DLG2: variants seen among roughly 807,000 people sequenced by gnomAD.
The protein encoded by DLG2 is disks large homolog 2.
A neutral mutation model predicts 132.5 loss-of-function variants in DLG2; 45 were observed. The observed-to-expected ratio is 0.34, with a 90% CI of 0.27 to 0.44. The LOEUF is 0.44. Among genes scored for constraint, DLG2 ranks in the 20% least tolerant of loss-of-function variants. The pLI, the probability that DLG2 is intolerant of heterozygous loss-of-function variation, is 1.00. For missense variants in DLG2, 1,045 were observed against 1,196.9 expected (o/e 0.87, Z 1.87); for synonymous variants, 424 against 419.6 (o/e 1.01, Z -0.13).
At chr11:84,088,517 G>A (rs1036734321) in intron 10 of DLG2, among the ~76,000 whole-genome samples, 1 of 152,172 alleles carries the variant, frequency 6.6e-6, no homozygotes, top group African/African-American at 2.4e-5. Flanking sequence ...AAGACTACTT[G>A]TGGGTGCCTG....
chr11:83,820,507 G>A (rs1295104886), intron 17 of DLG2, among the ~76,000 whole-genome samples: 1 of 152,114 alleles, frequency 6.6e-6, no homozygotes, highest in Admixed American at 6.5e-5. Context: ...CATTTCATAT[G>A]TAACAAGGTA....
At chr11:84,822,734 T>C (rs2077845018) in intron 6 of DLG2, among the ~76,000 whole-genome samples, 1 of 151,930 alleles carries the variant, frequency 6.6e-6, no homozygotes, top group Non-Finnish European at 1.5e-5. Flanking sequence ...TTGACACATG[T>C]CTACACTTTT....
chr11:83,979,053 AG>A (rs1179632278), intron 12 of DLG2, among the ~76,000 whole-genome samples: 1 of 152,180 alleles, frequency 6.6e-6, no homozygotes, highest in Admixed American at 6.6e-5. Context: ...ATTACAAAAA[AG>A]CCCTTTATAA....
intron 6 of DLG2, among the ~76,000 whole-genome samples, chr11:84,645,140 G>A (rs1468585289): frequency 6.6e-6 from 1 of 152,118 alleles, no homozygotes; most frequent in Non-Finnish European, 1.5e-5. Context: ...TAAGAGAGAG[G>A]GAACTGGTTA....
intron 6 of DLG2, among the ~76,000 whole-genome samples, chr11:84,749,749 A>G (rs1349538236): frequency 1.3e-5 from 2 of 152,164 alleles, no homozygotes; most frequent in Non-Finnish European, 2.9e-5. Flanking sequence ...TAAGGAAACT[A>G]AGCCTTCAGA....
intron 7 of DLG2, among the ~76,000 whole-genome samples, chr11:84,378,028 T>C (rs1252183113): frequency 6.6e-6 from 1 of 152,184 alleles, no homozygotes; most frequent in East Asian, 1.9e-4. Context: ...AAGGGCCTAC[T>C]AGGAAAATAC....
intron 10 of DLG2, among the ~76,000 whole-genome samples, chr11:84,089,216 G>A (rs1220987876): frequency 1.3e-5 from 2 of 152,138 alleles, no homozygotes; most frequent in African/African-American, 4.8e-5. Flanking sequence ...TTGGGAATAA[G>A]TGTCAGACTG....
At chr11:84,276,646 T>A (rs2097785795) in intron 7 of DLG2, among the ~76,000 whole-genome samples, 1 of 152,196 alleles carries the variant, frequency 6.6e-6, no homozygotes, top group Admixed American at 6.5e-5. Flanking sequence ...CTACCATTTT[T>A]TTTCCATTAA....
intron 6 of DLG2, among the ~76,000 whole-genome samples, chr11:84,730,540 G>T (rs1319392336): frequency 6.6e-6 from 1 of 151,986 alleles, no homozygotes; most frequent in African/African-American, 2.4e-5. Flanking sequence ...TTGCCCATCT[G>T]TGAAACAAAG....
intron 9 of DLG2, among the ~76,000 whole-genome samples, chr11:84,106,855 GTGTGTGTA>G (rs2092964633): frequency 1.0e-5 from 1 of 97,334 alleles, no homozygotes; most frequent in African/African-American, 3.6e-5. Flanking sequence ...GAGTGAGTGT[GTGTGTGTA>G]TGTGTGAGAG....
At chr11:83,672,893 C>G (rs2077065784) in intron 18 of DLG2, among the ~76,000 whole-genome samples, 1 of 152,092 alleles carries the variant, frequency 6.6e-6, no homozygotes, top group South Asian at 2.1e-4. Flanking sequence ...AAACCCGTCT[C>G]TACTAAAAAT....
intron 17 of DLG2, among the ~76,000 whole-genome samples, chr11:83,797,944 T>G (rs1192727543): frequency 6.6e-6 from 1 of 152,216 alleles, no homozygotes; most frequent in Non-Finnish European, 1.5e-5. Flanking sequence ...AAATATTATT[T>G]TAACGTCATT....
intron 17 of DLG2, among the ~76,000 whole-genome samples, chr11:83,794,083 G>A (rs2042201319): frequency 6.6e-6 from 1 of 152,172 alleles, no homozygotes; most frequent in Non-Finnish European, 1.5e-5. Context: ...TAGCAGATGT[G>A]CTCTAATATG....
chr11:84,632,384 T>G (rs2099633595), intron 6 of DLG2, among the ~76,000 whole-genome samples: 1 of 151,904 alleles, frequency 6.6e-6, no homozygotes, highest in Non-Finnish European at 1.5e-5. Flanking sequence ...GAAAAAAAAA[T>G]TACTGGAAAT....
At chr11:84,087,699 T>A (rs1424955777) in intron 10 of DLG2, among the ~76,000 whole-genome samples, 2 of 152,078 alleles carry the variant, frequency 1.3e-5, no homozygotes, top group East Asian at 3.9e-4. Flanking sequence ...AGAGATAGGA[T>A]GATGGAAGTA....
At chr11:83,795,637 G>A (rs2042650480) in intron 17 of DLG2, among the ~76,000 whole-genome samples, 1 of 151,938 alleles carries the variant, frequency 6.6e-6, no homozygotes, top group East Asian at 1.9e-4. Context: ...CCATTCCCAA[G>A]GTCAAATTTT....
chr11:84,115,268 A>G (rs2093578176), intron 9 of DLG2, among the ~76,000 whole-genome samples: 1 of 152,080 alleles, frequency 6.6e-6, no homozygotes, highest in African/African-American at 2.4e-5. Context: ...TATTCAAACA[A>G]TTCTAACTTC....
Position 84,795,948 on chromosome 11 carries a change from C to T in DLG2, c.358-261217G>A, listed in dbSNP as rs1378954625. 2.0e-5 allele frequency among the ~76,000 whole-genome samples: 3 copies of T among 152,180 alleles called. No homozygotes were observed. In the South Asian group the frequency reaches 6.2e-4, roughly 31 times the overall value. Reference sequence around the variant, plus strand: ...ACCACAGCTGGTGTGCCTAGCTTTGCGCAGTGCCTGGACCCCATGCTCACT... The same window carrying T: ...ACCACAGCTGGTGTGCCTAGCTTTGTGCAGTGCCTGGACCCCATGCTCACT... On this transcript the variant is annotated intron_variant, in intron 6 of 27. Transcript: ENST00000376104.
At chr11:84,004,739 A>G (rs2094499103) in intron 11 of DLG2, among the ~76,000 whole-genome samples, 1 of 151,994 alleles carries the variant, frequency 6.6e-6, no homozygotes, top group Non-Finnish European at 1.5e-5. Flanking sequence ...AAAGATCTCT[A>G]CAAGGAAAAC....
Sources: gnomAD v4.1 joint callset for allele counts (sites outside exome capture counted in the v4.1 genomes callset) on GRCh38, gnomAD v4.1.1 for gene constraint, MANE v1.5 for transcripts, NCBI Gene and HGNC (gene_info 2026-07-23, HGNC 2026-07-21) for gene names.